Variants in MTHFD1 observed in about 807,000 individuals in gnomAD.
MTHFD1 encodes methylenetetrahydrofolate dehydrogenase, cyclohydrolase and formyltetrahydrofolate synthetase 1.
A neutral mutation model predicts 110.3 loss-of-function variants in MTHFD1; 44 were observed. The observed-to-expected ratio is 0.40, with a 90% confidence interval of 0.31 to 0.51. The LOEUF (loss-of-function observed/expected upper bound fraction) is 0.51, where lower values mean the gene tolerates loss of function less well. Ranked by LOEUF, MTHFD1 falls within the 20% of genes least tolerant of loss-of-function variation. MTHFD1 has a pLI of 0.60. For synonymous variants in MTHFD1, 402 were observed against 428.8 expected (o/e 0.94, Z 0.77); for missense variants, 909 against 1,173.1 (o/e 0.77, Z 3.29).
rs1482209135 is a variant in MTHFD1, at chr14:64,425,790, C to G, written c.916C>G (p.Gln306Glu). 3 of 1,613,672 alleles carry G rather than the reference C, an allele frequency of 1.9e-6. No homozygotes were observed. In the African/African-American group the frequency reaches 4.0e-5, roughly 22 times the overall value. The part of the protein sequence containing the change: ...EKFKPGKWMI[Q>E]YNNLNLKTPV... ...ATTTAAGCCAGGAAAGTGGATGATT[C>G]AGTATAACAACCTTAACCTCAAGAC... The change falls in exon 10 of 28, where the codon CAG becomes GAG. Residue 306 changes from glutamine (Q) to glutamate (E), a missense_variant. Physicochemically the swap from Gln to Glu is conservative, Grantham distance 29. Around this residue, in one of 3 missense-constraint regions of MTHFD1, gnomAD observed 424 missense variants for 510.4 expected, o/e 0.83. Coordinates refer to ENST00000652337, the MANE Select transcript of MTHFD1 (RefSeq NM_005956.4).
In MTHFD1 at chr14:64,459,953, A is replaced by G. The variant is rs2078535306; in HGVS notation, c.*199A>G. ...ATGTATAAATTAACATAAATCATGC[A>G]TGTCTGTTTACTTTAGTGACGTTCC... On this transcript the variant is annotated 3_prime_UTR_variant, in exon 28 of 28. Coordinates refer to ENST00000652337, the MANE Select transcript of MTHFD1 (RefSeq NM_005956.4). The G allele has an allele frequency of 6.6e-7, 1 of 1,525,288 alleles. No homozygotes were observed. Among genetic ancestry groups the G allele is most frequent in the Non-Finnish European group, 8.8e-7 (1 of 1,137,978 alleles). 94.5% of individuals were successfully genotyped at this position (1,525,288 alleles called of 1,614,324 possible).
At chr14:64,403,444 T>A (rs1463602346) in intron 2 of MTHFD1, among the ~76,000 whole-genome samples, 7 of 152,102 alleles carry the variant, frequency 4.6e-5, no homozygotes, top group African/African-American at 1.4e-4. Flanking sequence ...ATTTTTGTAA[T>A]TTTAGTAGAG....
rs2140975737 is a variant in MTHFD1, at chr14:64,442,065, G to A, written c.1896G>A (p.Val632=). The A allele has an allele frequency of 1.2e-6, 2 of 1,613,896 alleles. No homozygotes were observed. Among genetic ancestry groups the A allele is most frequent in the South Asian group, 2.2e-5 (2 of 91,080 alleles). ...CCTGGTTTCCACAGGGCACTCCAGT[G>A]TTTGTCCATGCTGGCCCGTTTGCCA... ...NLMQTLEGTP[V]FVHAGPFANI... The change falls in exon 20 of 28, where the codon GTG becomes GTA. Residue 632 remains valine (V), a synonymous_variant. Coordinates refer to ENST00000652337, the MANE Select transcript of MTHFD1 (RefSeq NM_005956.4).
chr14:64,403,070 C>CTG (rs1305333741), intron 2 of MTHFD1, among the ~76,000 whole-genome samples: 1 of 152,050 alleles, frequency 6.6e-6, no homozygotes, highest in Non-Finnish European at 1.5e-5. Context: ...AGTGATCCTC[C>CTG]CACTCAGCCT....
intron 2 of MTHFD1, among the ~76,000 whole-genome samples, chr14:64,404,958 C>A (rs2077925907): frequency 6.6e-6 from 1 of 151,284 alleles, no homozygotes; most frequent in Non-Finnish European, 1.5e-5. Flanking sequence ...GACTCCGTCT[C>A]AATTTAAAAA....
chr14:64,423,097 A>G (rs2078087964), intron 8 of MTHFD1: 1 of 152,112 alleles, frequency 6.6e-6, no homozygotes, highest in African/African-American at 2.4e-5. Flanking sequence ...CTCTATCTAT[A>G]TTTCCTTGGC....
At chr14:64,457,981 C>T (rs989536668) in intron 26 of MTHFD1, 1 of 592,274 alleles carries the variant, frequency 1.7e-6, no homozygotes, top group South Asian at 2.0e-5. Flanking sequence ...GCCTCAACCT[C>T]CTAGCCTCAA....
At chr14:64,439,034 C>A in intron 16 of MTHFD1, 62 bp from the exon 17 acceptor site, 1 of 1,197,122 alleles carries the variant, frequency 8.4e-7, no homozygotes, top group Non-Finnish European at 1.3e-6. Context: ...AACTCTGCTG[C>A]TTCCTTTAAC....
intron 8 of MTHFD1, among the ~76,000 whole-genome samples, chr14:64,421,231 G>A (rs561061300): frequency 1.1e-4 from 17 of 152,120 alleles, no homozygotes; most frequent in East Asian, 3.9e-4. Context: ...CATGTACGGC[G>A]TCCTGTGCTC....
chr14:64,395,501 C>T (rs1351734222), intron 1 of MTHFD1, among the ~76,000 whole-genome samples: 1 of 152,156 alleles, frequency 6.6e-6, no homozygotes, highest in African/African-American at 2.4e-5. Flanking sequence ...ACCAGGACTC[C>T]GAAGGTTCTT....
chr14:64,398,800 A>C (rs2077876129), intron 1 of MTHFD1, among the ~76,000 whole-genome samples: 2 of 152,322 alleles, frequency 1.3e-5, no homozygotes, highest in East Asian at 3.9e-4. Flanking sequence ...TCCAAGAGGG[A>C]CAGAGCATGT....
chr14:64,454,984 G>A (rs1417714693), intron 26 of MTHFD1, 109 bp downstream of exon 26: 9 of 1,151,100 alleles, frequency 7.8e-6, no homozygotes, highest in African/African-American at 3.0e-5. Context: ...CTGCCCAGAA[G>A]AAAATTGGAA....
intron 7 of MTHFD1, among the ~76,000 whole-genome samples, chr14:64,418,725 T>C (rs868815494): frequency 1.3e-5 from 2 of 151,534 alleles, no homozygotes; most frequent in Non-Finnish European, 2.9e-5. Context: ...CCTGGCTAAT[T>C]TTGTATTTTT....
intron 15 of MTHFD1, among the ~76,000 whole-genome samples, chr14:64,433,058 G>A (rs188314213): frequency 9.9e-5 from 15 of 151,982 alleles, no homozygotes; most frequent in Non-Finnish European, 1.8e-4. Flanking sequence ...CACCACGTCT[G>A]GCCACAAGGG....
At chr14:64,398,424 G>A (rs975753227) in intron 1 of MTHFD1, among the ~76,000 whole-genome samples, 4 of 152,138 alleles carry the variant, frequency 2.6e-5, no homozygotes, top group Non-Finnish European at 5.9e-5. Flanking sequence ...GTGTGCACCT[G>A]TAGTTCCAGC....
chr14:64,440,836 A>T (rs907785409), intron 18 of MTHFD1: 1 of 227,892 alleles, frequency 4.4e-6, no homozygotes, highest in African/African-American at 2.3e-5. Context: ...CTTGATTAAG[A>T]TGCTTGTTTC....
At chr14:64,418,450 CAA>C (rs202143596) in intron 7 of MTHFD1, among the ~76,000 whole-genome samples, 5 of 131,506 alleles carry the variant, frequency 3.8e-5, no homozygotes, top group Admixed American at 7.9e-5. Context: ...GACCCTGTCT[CAA>C]AAAAAAAAAA....
intron 1 of MTHFD1, among the ~76,000 whole-genome samples, chr14:64,397,104 CAAAAAAAAAAAAAAAAAAA>C (rs1189095379): frequency 7.0e-4 from 5 of 7,130 alleles, no homozygotes; most frequent in East Asian, 0.025. Flanking sequence ...GACTGCGTCT[CAAAAAAAAAAAAAAAAAAA>C]AAAAAAAAAA....
At chr14:64,440,776 G>A (rs1387321641) in intron 18 of MTHFD1, 14 of 234,904 alleles carry the variant, frequency 6.0e-5, no homozygotes, top group African/African-American at 2.5e-4. Flanking sequence ...GAGCATTGTC[G>A]TGCTCTAAAA....
Sources: allele counts gnomAD v4.1 joint callset (sites outside exome capture counted in the v4.1 genomes callset), GRCh38; gene constraint gnomAD v4.1.1; regional missense constraint gnomAD v4.1.1; transcripts MANE v1.5; gene names NCBI Gene and HGNC (gene_info 2026-07-23, HGNC 2026-07-21).